Variants in PDE3B observed in about 807,000 individuals in gnomAD.
PDE3B encodes phosphodiesterase 3B, also known as cGMP-inhibited 3',5'-cyclic phosphodiesterase 3B.
Under a neutral mutation model 116.8 loss-of-function variants are expected in PDE3B, and 66 were observed. The ratio of observed to expected loss-of-function variants is 0.56; its 90% confidence interval spans 0.46 to 0.69. The LOEUF (loss-of-function observed/expected upper bound fraction) is 0.69, where lower values mean the gene tolerates loss of function less well. PDE3B is among the 30% of genes least tolerant of loss of function. PDE3B has a pLI of 0.00. For synonymous variants in PDE3B, 595 were observed against 533.6 expected, an observed-to-expected ratio of 1.12 and a Z score of -1.59; for missense variants, 1,384 against 1,368.1, an observed-to-expected ratio of 1.01 and a Z score of -0.18.
intron 4 of PDE3B, among the ~76,000 whole-genome samples, chr11:14,800,167 T>C (rs1837744549): frequency 6.6e-6 from 1 of 152,206 alleles, no homozygotes; most frequent in South Asian, 2.1e-4. Context: ...GTAAAGTATT[T>C]TATTTCTCCT....
At chr11:14,690,873 G>A (rs1016707446) in intron 1 of PDE3B, among the ~76,000 whole-genome samples, 22 of 152,264 alleles carry the variant, frequency 1.4e-4, no homozygotes, top group African/African-American at 5.1e-4. Flanking sequence ...GAAAGTGGCA[G>A]TAGAGTCCAA....
chr11:14,648,261 A>G (rs897616215), intron 1 of PDE3B, among the ~76,000 whole-genome samples: 6 of 152,104 alleles, frequency 3.9e-5, no homozygotes, highest in African/African-American at 1.2e-4. Context: ...CTATACCTTT[A>G]GTGCTAAGTG....
chr11:14,702,661 T>C (rs1855400398), intron 1 of PDE3B, among the ~76,000 whole-genome samples: 1 of 151,794 alleles, frequency 6.6e-6, no homozygotes, highest in Non-Finnish European at 1.5e-5. Flanking sequence ...TTAAAATGAA[T>C]GAAATTAAGT....
intron 1 of PDE3B, among the ~76,000 whole-genome samples, chr11:14,749,106 G>T (rs1856989821): frequency 6.6e-6 from 1 of 152,048 alleles, no homozygotes; most frequent in Non-Finnish European, 1.5e-5. Context: ...TCAGGCTGGT[G>T]TCAAACTCTT....
At chr11:14,884,975 C>G in the PDE3B span, among the ~76,000 whole-genome samples, 1 of 151,992 alleles carries the variant, frequency 6.6e-6, no homozygotes, top group African/African-American at 2.4e-5. Flanking sequence ...AGAATTCAGT[C>G]TTTTACAATT....
the PDE3B span, among the ~76,000 whole-genome samples, chr11:14,884,373 C>G: frequency 3.9e-5 from 6 of 151,958 alleles, no homozygotes; most frequent in Non-Finnish European, 8.8e-5. Flanking sequence ...GAGTTCATGT[C>G]CTTTGTTAGG....
rs529492504 is a variant in PDE3B, at chr11:14,722,067, C to A, written c.979-49870C>A. ...AGCAAACTATCGCCAGGACAAAAAACAAAACACCGCATGTTCTCACTCATA... is the reference window on the plus strand; with the variant it reads ...AGCAAACTATCGCCAGGACAAAAAAAAAAACACCGCATGTTCTCACTCATA... On this transcript the variant is annotated intron_variant, in intron 1 of 15. Coordinates refer to ENST00000282096, the MANE Select transcript of PDE3B (RefSeq NM_000922.4). Among the ~76,000 whole-genome samples the A allele has an allele frequency of 9.8e-4, 147 of 149,774 alleles. 1 individual carries two copies. Among genetic ancestry groups the A allele is most frequent in the Middle Eastern group, 3.5e-3 (1 of 288 alleles).
chr11:14,670,432 C>T (rs958271468), intron 1 of PDE3B, among the ~76,000 whole-genome samples: 3 of 152,056 alleles, frequency 2.0e-5, no homozygotes, highest in Admixed American at 6.6e-5. Flanking sequence ...AAGGCTGCCC[C>T]ATGAAATAGG....
chr11:14,696,083 C>G (rs375639827), intron 1 of PDE3B, among the ~76,000 whole-genome samples: 1 of 152,150 alleles, frequency 6.6e-6, no homozygotes, highest in African/African-American at 2.4e-5. Flanking sequence ...GGAATTGCCA[C>G]GCTGTCTTCC....
intron 5 of PDE3B, among the ~76,000 whole-genome samples, chr11:14,807,147 A>T (rs1858961365): frequency 6.6e-6 from 1 of 152,084 alleles, no homozygotes; most frequent in African/African-American, 2.4e-5. Flanking sequence ...TAAGAGAAAT[A>T]CCTAATGTAT....
chr11:14,874,035 T>A (rs1848168391), downstream of PDE3B, among the ~76,000 whole-genome samples: 1 of 152,136 alleles, frequency 6.6e-6, no homozygotes, highest in South Asian at 2.1e-4. Flanking sequence ...TTCTACCTAT[T>A]TCTTTTTGCA....
At chr11:14,809,129 G>A (rs955992680) in intron 5 of PDE3B, among the ~76,000 whole-genome samples, 1 of 152,196 alleles carries the variant, frequency 6.6e-6, no homozygotes, top group African/African-American at 2.4e-5. Flanking sequence ...CAGTAATTTA[G>A]TATGGTACTG....
chr11:14,776,652 A>AATC (rs1379508897), intron 2 of PDE3B: 1 of 150,554 alleles, frequency 6.6e-6, no homozygotes, highest in Non-Finnish European at 1.5e-5. Context: ...TAATAATAAT[A>AATC]ATAGTAATAA....
intron 1 of PDE3B, chr11:14,673,856 T>G: frequency 7.6e-7 from 1 of 1,314,902 alleles, no homozygotes; most frequent in Non-Finnish European, 1.1e-6. Flanking sequence ...ATTTGTAGAG[T>G]AGTTGGGTGC....
At chr11:14,712,546 C>T (rs1391825078) in intron 1 of PDE3B, among the ~76,000 whole-genome samples, 2 of 128,474 alleles carry the variant, frequency 1.6e-5, no homozygotes, top group African/African-American at 3.0e-5. Flanking sequence ...ATGATCTTGG[C>T]TCACTACAGT....
At chr11:14,880,698 A>G in the PDE3B span, 20 of 1,597,104 alleles carry the variant, frequency 1.3e-5, no homozygotes, top group South Asian at 2.1e-4. Flanking sequence ...CATATCCAAA[A>G]TATCGAAAAC....
chr11:14,674,055 C>G, intron 1 of PDE3B: 3 of 1,524,074 alleles, frequency 2.0e-6, no homozygotes, highest in Non-Finnish European at 9.1e-7. Flanking sequence ...CATCAACAAG[C>G]CACAGTTTTA....
At chr11:14,898,950 T>C in the PDE3B span, among the ~76,000 whole-genome samples, 3 of 152,164 alleles carry the variant, frequency 2.0e-5, no homozygotes, top group Non-Finnish European at 4.4e-5. Context: ...TTAAGATGTC[T>C]TTCAGGAACT....
intron 12 of PDE3B, among the ~76,000 whole-genome samples, chr11:14,849,472 C>T (rs11023359): frequency 6.6e-6 from 1 of 151,868 alleles, no homozygotes; most frequent in Non-Finnish European, 1.5e-5. Context: ...GCAACAAAAG[C>T]CAAAATTGAC....
Sources: allele counts gnomAD v4.1 joint callset (sites outside exome capture counted in the v4.1 genomes callset), GRCh38; gene constraint gnomAD v4.1.1; transcripts MANE v1.5; gene names NCBI Gene and HGNC (gene_info 2026-07-23, HGNC 2026-07-21).